The following CHD6 variants were observed in gnomAD, a reference collection of about 807,000 sequenced individuals.
CHD6 encodes ATP-dependent chromatin remodeler CHD6.
A neutral mutation model predicts 276.9 loss-of-function variants in CHD6; 50 were observed. The ratio of observed to expected loss-of-function variants is 0.18; its 90% confidence interval spans 0.14 to 0.23. The LOEUF is 0.23. Among genes scored for constraint, CHD6 ranks in the 10% least tolerant of loss-of-function variants. The pLI, the probability that CHD6 is intolerant of heterozygous loss-of-function variation, is 1.00. For synonymous variants in CHD6, 1,173 were observed against 1,229.3 expected, an observed-to-expected ratio of 0.95 and a Z score of 0.96; for missense variants, 2,564 against 3,365.8, an observed-to-expected ratio of 0.76 and a Z score of 5.89.
rs2046953470 is a variant in CHD6 at position 41,415,111 on chromosome 20, TGC to T, written c.6939+73_6939+74del. On this transcript the variant is annotated intron_variant, in intron 34 of 36. Transcript: ENST00000373233. Reference sequence around the variant, plus strand: ...GAGATAAAAGATCCACAAATTATTTTGCGTCTGAGGAAGAAGGGTTTGTTTCT... The same window carrying T: ...GAGATAAAAGATCCACAAATTATTTTGTCTGAGGAAGAAGGGTTTGTTTCT... The T allele has an allele frequency of 6.0e-6, 9 of 1,502,974 alleles. No homozygotes were observed. In the African/African-American group the frequency reaches 1.1e-4, roughly 19 times the overall value. 93.1% of individuals were successfully genotyped at this position (1,502,974 alleles called of 1,614,324 possible).
At chr20:41,439,934 T>C in intron 26 of CHD6, 66 bp downstream of exon 26, 1 of 1,555,758 alleles carries the variant, frequency 6.4e-7, no homozygotes, top group Non-Finnish European at 8.8e-7. Context: ...GCTGGGTTTA[T>C]GAGGAAGGGG....
At chr20:41,509,481 C>T (rs191408276) in intron 5 of CHD6, among the ~76,000 whole-genome samples, 1 of 152,196 alleles carries the variant, frequency 6.6e-6, no homozygotes, top group Non-Finnish European at 1.5e-5. Context: ...GCACTTATCC[C>T]CAGCTCGGAG....
intron 24 of CHD6, among the ~76,000 whole-genome samples, chr20:41,446,821 G>A (rs1027122520): frequency 5.9e-5 from 9 of 152,174 alleles, no homozygotes; most frequent in East Asian, 1.9e-4. Context: ...ACAGAGGAAC[G>A]CAGAGGAAGG....
Position 41,617,376 on chromosome 20 carries a change from T to G in CHD6, c.-24+964A>C, listed in dbSNP as rs577713445. On this transcript the variant is annotated intron_variant, in intron 1 of 36. Transcript: ENST00000373233. Reference sequence around the variant, plus strand: ...CATAACTGGAACTAGGAATACTTTATGTACACAAATATAAAGTGCCTGCTT... The same window carrying G: ...CATAACTGGAACTAGGAATACTTTAGGTACACAAATATAAAGTGCCTGCTT... Among the ~76,000 whole-genome samples the G allele has an allele frequency of 1.2e-4, 18 of 152,330 alleles. 1 individual carries two copies. The East Asian group carries it at 3.3e-3, about 28-fold the overall frequency.
chr20:41,408,083 A>T (rs1315629205), intron 36 of CHD6, among the ~76,000 whole-genome samples: 2 of 152,206 alleles, frequency 1.3e-5, no homozygotes, highest in Admixed American at 1.3e-4. Context: ...AAATAAAAAA[A>T]AAACCCAGTT....
chr20:41,493,694 A>C (rs1257075566), intron 9 of CHD6, 22 bp from the exon 10 acceptor site: 1 of 1,612,666 alleles, frequency 6.2e-7, no homozygotes, highest in Non-Finnish European at 8.5e-7. Flanking sequence ...ACAGGAAAGA[A>C]ACTTAATGTT....
In CHD6 at chr20:41,421,849, T is replaced by C. The variant is rs1407288067; in HGVS notation, c.4786A>G (p.Thr1596Ala). ...GGGTCGTTCATGATGTAACAGTCAG[T>C]GCGGTTCAGCCCATGTTTGGCAGTG... ...IGTAKHGLNR[T>A]DCYIMNDPQL... The change falls in exon 31 of 37, where the codon ACT (threonine) becomes GCT (alanine). Residue 1596 changes from threonine (T) to alanine (A), a missense_variant. Around this residue, in one of 7 missense-constraint regions of CHD6, gnomAD observed 515 missense variants for 739.5 expected, o/e 0.70. Coordinates refer to ENST00000373233, the MANE Select transcript of CHD6 (RefSeq NM_032221.5). The C allele has an allele frequency of 1.9e-6, 3 of 1,614,044 alleles. No individual in the cohort carries two copies. Among genetic ancestry groups the C allele is most frequent in the Non-Finnish European group, 2.5e-6 (3 of 1,180,034 alleles).
intron 7 of CHD6, 92 bp downstream of exon 7, chr20:41,498,076 C>T (rs1482288494): frequency 3.3e-6 from 3 of 899,578 alleles, no homozygotes; most frequent in South Asian, 2.9e-5. Flanking sequence ...AGAGGCAAGA[C>T]TCTGAAGATG....
At chr20:41,468,385 C>G (rs961138967) in intron 17 of CHD6, among the ~76,000 whole-genome samples, 2 of 152,202 alleles carry the variant, frequency 1.3e-5, no homozygotes, top group Non-Finnish European at 2.9e-5. Context: ...GCTGGGATTA[C>G]AGGCATGAGC....
chr20:41,521,596 T>C (rs1236689058), intron 3 of CHD6, among the ~76,000 whole-genome samples: 1 of 151,902 alleles, frequency 6.6e-6, no homozygotes, highest in Non-Finnish European at 1.5e-5. Context: ...CATATATTCA[T>C]ATGTGCGCGT....
chr20:41,503,844 G>A (rs981890555), intron 5 of CHD6, among the ~76,000 whole-genome samples: 1 of 151,884 alleles, frequency 6.6e-6, no homozygotes, highest in Admixed American at 6.6e-5. Flanking sequence ...TTAGGAGGCC[G>A]AAGTGGGTGG....
chr20:41,435,912 AATAG>A (rs2047694249), intron 27 of CHD6, among the ~76,000 whole-genome samples: 1 of 146,412 alleles, frequency 6.8e-6, no homozygotes, highest in African/African-American at 2.5e-5. Context: ...GGAAAAGACA[AATAG>A]ATATATGGAA....
At chr20:41,476,335 C>T (rs2043167163) in intron 16 of CHD6, among the ~76,000 whole-genome samples, 1 of 151,946 alleles carries the variant, frequency 6.6e-6, no homozygotes, top group African/African-American at 2.4e-5. Context: ...TATCAACAAG[C>T]AGCAGGTGGC....
chr20:41,574,619 AAAATGCCAGCTATCAGTGAGTCT>A (rs1453938303), intron 1 of CHD6, among the ~76,000 whole-genome samples: 1 of 152,226 alleles, frequency 6.6e-6, no homozygotes, highest in Non-Finnish European at 1.5e-5. Context: ...GACCAAGACA[AAAATGCCAGCTATCAGTGAGTCT>A]AAAGAATATG....
intron 8 of CHD6, 90 bp from the exon 9 acceptor site, chr20:41,494,034 T>A (rs557149303): frequency 1.4e-4 from 118 of 832,414 alleles, no homozygotes; most frequent in Non-Finnish European, 2.0e-4. Flanking sequence ...ATCCCTACTC[T>A]AGGCCCTATC....
chr20:41,456,059 C>G, intron 18 of CHD6, 80 bp from the exon 19 acceptor site: 5 of 1,340,168 alleles, frequency 3.7e-6, no homozygotes, highest in Non-Finnish European at 5.0e-6. Context: ...TTTTGTGATT[C>G]AGTGCATAGT....
intron 11 of CHD6, among the ~76,000 whole-genome samples, chr20:41,491,144 T>C (rs373525948): frequency 5.3e-5 from 8 of 152,160 alleles, no homozygotes; most frequent in East Asian, 3.9e-4. Context: ...TATTTAAAAA[T>C]ATTTTTTCTT....
chr20:41,576,491 G>GC (rs906173436), intron 1 of CHD6, among the ~76,000 whole-genome samples: 1 of 152,212 alleles, frequency 6.6e-6, no homozygotes, highest in East Asian at 1.9e-4. Context: ...TTCGAGACCA[G>GC]CCTGGCCAAC....
At chr20:41,516,014 C>T (rs6029715) in intron 3 of CHD6, among the ~76,000 whole-genome samples, 92,844 of 151,898 alleles carry the variant, frequency 0.61, 30,555 homozygotes, top group East Asian at 0.91. Flanking sequence ...TATATGTGCA[C>T]ATATAAAAAC....
Sources: allele counts gnomAD v4.1 joint callset (sites outside exome capture counted in the v4.1 genomes callset), GRCh38; gene constraint gnomAD v4.1.1; regional missense constraint gnomAD v4.1.1; transcripts MANE v1.5; gene names NCBI Gene and HGNC (gene_info 2026-07-23, HGNC 2026-07-21).